DLG2: variants seen among roughly 807,000 people sequenced by gnomAD.
DLG2 encodes discs large MAGUK scaffold protein 2.
Under a neutral mutation model 132.5 loss-of-function variants are expected in DLG2, and 45 were observed. That is an observed-to-expected ratio of 0.34 (90% CI 0.27 to 0.44). The LOEUF (loss-of-function observed/expected upper bound fraction) is 0.44, where lower values mean the gene tolerates loss of function less well. DLG2 is among the 20% of genes least tolerant of loss of function. DLG2 has a pLI of 1.00. For missense variants in DLG2, 1,045 were observed against 1,196.9 expected, an observed-to-expected ratio of 0.87 and a Z score of 1.87; for synonymous variants, 424 against 419.6, an observed-to-expected ratio of 1.01 and a Z score of -0.13.
At chr11:83,902,317 G>C (rs1396725070) in intron 15 of DLG2, among the ~76,000 whole-genome samples, 1 of 152,054 alleles carries the variant, frequency 6.6e-6, no homozygotes, top group Non-Finnish European at 1.5e-5. Context: ...GCCTTCATTG[G>C]AAAATAAAAG....
rs537737946 is a variant in DLG2 at position 83,746,271 on chromosome 11, T to C, written c.1825+40419A>G. Reference sequence around the variant, plus strand: ...TAAATCATGCTGCTATAAAGACATATGCACACGTATGTTTATTGCGGCACT... The same window carrying C: ...TAAATCATGCTGCTATAAAGACATACGCACACGTATGTTTATTGCGGCACT... On this transcript the variant is annotated intron_variant, in intron 18 of 27. Coordinates refer to ENST00000376104, the MANE Select transcript of DLG2 (RefSeq NM_001142699.3). 8.5e-5 allele frequency among the ~76,000 whole-genome samples: 13 copies of C among 152,276 alleles called. No individual in the cohort carries two copies. In the East Asian group the frequency reaches 1.5e-3, roughly 18 times the overall value.
chr11:85,460,682 C>G (rs900376818), intron 3 of DLG2, among the ~76,000 whole-genome samples: 4 of 152,180 alleles, frequency 2.6e-5, no homozygotes, highest in African/African-American at 9.7e-5. Context: ...CATGATCACC[C>G]CTCACTTTTC....
At chr11:84,213,590 C>T (rs11233949) in intron 8 of DLG2, among the ~76,000 whole-genome samples, 6,575 of 151,910 alleles carry the variant, frequency 0.043, 461 homozygotes, top group African/African-American at 0.15. Context: ...GAGGCCGAGG[C>T]GGGTGGATCA....
rs557076265 is a variant in DLG2 at position 84,060,431 on chromosome 11, C to T, written c.750-947G>A. On this transcript the variant is annotated intron_variant, in intron 10 of 27. Coordinates refer to ENST00000376104, the MANE Select transcript of DLG2 (RefSeq NM_001142699.3). ...GATTCATCTTACAATATTATAAATA[C>T]TGAAGTTCAGATTTACAAAGTTCAA... Among the ~76,000 whole-genome samples, 10 of 152,196 alleles carry T rather than the reference C, an allele frequency of 6.6e-5. No homozygotes were observed. In the South Asian group the frequency reaches 1.9e-3, roughly 28 times the overall value.
At chr11:83,644,499 A>G (rs746536860) in intron 18 of DLG2, among the ~76,000 whole-genome samples, 3 of 152,080 alleles carry the variant, frequency 2.0e-5, no homozygotes, top group Non-Finnish European at 4.4e-5. Context: ...ACCTAGCTAG[A>G]TTCTCCCTCA....
intron 18 of DLG2, among the ~76,000 whole-genome samples, chr11:83,637,596 A>C (rs1056551485): frequency 7.9e-5 from 12 of 151,276 alleles, no homozygotes; most frequent in African/African-American, 2.9e-4. Context: ...ATCGCCGTGA[A>C]GCCATTTTGT....
chr11:83,729,763 T>C (rs1376236212), intron 18 of DLG2, among the ~76,000 whole-genome samples: 1 of 152,220 alleles, frequency 6.6e-6, no homozygotes, highest in Admixed American at 6.5e-5. Context: ...AAAGTTGAAT[T>C]GGCAGTCTTT....
At chr11:84,732,428 G>T (rs975498967) in intron 6 of DLG2, among the ~76,000 whole-genome samples, 1 of 151,872 alleles carries the variant, frequency 6.6e-6, no homozygotes, top group African/African-American at 2.4e-5. Context: ...CCATCACCTG[G>T]TATTGTCAAT....
At chr11:83,617,787 C>A (rs2061055649) in intron 19 of DLG2, among the ~76,000 whole-genome samples, 1 of 151,976 alleles carries the variant, frequency 6.6e-6, no homozygotes, top group South Asian at 2.1e-4. Flanking sequence ...TCACTTGTGG[C>A]CAGGAGTTAG....
chr11:85,158,014 G>A (rs2077719674), intron 4 of DLG2, among the ~76,000 whole-genome samples: 1 of 151,990 alleles, frequency 6.6e-6, no homozygotes, highest in African/African-American at 2.4e-5. Context: ...AGATAATGTT[G>A]ATTCTCCTCA....
chr11:85,174,612 G>T (rs978309392), intron 4 of DLG2, among the ~76,000 whole-genome samples: 1 of 152,028 alleles, frequency 6.6e-6, no homozygotes, highest in Non-Finnish European at 1.5e-5. Context: ...AAATAACCAA[G>T]ATCAGAGTGG....
rs535075519 is a variant in DLG2, at chr11:83,659,315, T to C, written c.1826-25990A>G. The stretch of plus-strand genomic sequence containing the variant: ...TTAATAAAACAGAGAGAGAGAGAGA[T>C]TGAGGGAGAGAGAGACAGCATTCTT... On this transcript the variant is annotated intron_variant, in intron 18 of 27. Coordinates refer to ENST00000376104, the MANE Select transcript of DLG2 (RefSeq NM_001142699.3). 7.2e-5 allele frequency among the ~76,000 whole-genome samples: 11 copies of C among 151,890 alleles called. No individual in the cohort carries two copies. The East Asian group carries it at 1.2e-3, about 16-fold the overall frequency.
chr11:84,795,748 C>T (rs557730706), intron 6 of DLG2, among the ~76,000 whole-genome samples: 9 of 152,248 alleles, frequency 5.9e-5, no homozygotes, highest in Admixed American at 3.9e-4. Flanking sequence ...TAGACGCTTC[C>T]GGAGCCAGGG....
chr11:85,173,926 C>G (rs1206019279), intron 4 of DLG2, among the ~76,000 whole-genome samples: 1 of 152,106 alleles, frequency 6.6e-6, no homozygotes. Context: ...AGCTAAGTAT[C>G]CTGAATATAC....
chr11:85,055,033 CA>C (rs1354985859), intron 6 of DLG2, among the ~76,000 whole-genome samples: 1 of 152,082 alleles, frequency 6.6e-6, no homozygotes, highest in Non-Finnish European at 1.5e-5. Flanking sequence ...AAAATAAAAA[CA>C]ATCTAAATTT....
chr11:83,935,130 T>C (rs1487984836), intron 14 of DLG2, among the ~76,000 whole-genome samples: 1 of 152,196 alleles, frequency 6.6e-6, no homozygotes, highest in Non-Finnish European at 1.5e-5. Flanking sequence ...ATTTGCAGAA[T>C]ATAGAACCAA....
chr11:85,484,507 A>C (rs892886116), intron 3 of DLG2, among the ~76,000 whole-genome samples: 1 of 151,194 alleles, frequency 6.6e-6, no homozygotes, highest in Non-Finnish European at 1.5e-5. Flanking sequence ...ATTTACAAGA[A>C]AAAAACAAAC....
At chr11:85,102,860 C>T (rs1364426990) in intron 6 of DLG2, among the ~76,000 whole-genome samples, 3 of 151,848 alleles carry the variant, frequency 2.0e-5, no homozygotes, top group Admixed American at 6.6e-5. Flanking sequence ...CACATAGTCT[C>T]GTACAGTATC....
At position 84,197,903 on chromosome 11, in the gene DLG2, T is replaced by C. The variant is rs534390548; in HGVS notation, c.574-34392A>G. ...GCTACAGAATAATTACATATGGGGA[T>C]ATAGGATTTAGAGGGATGGCTTCAG... is the stretch of plus-strand genomic sequence containing the variant. On this transcript the variant is annotated intron_variant, in intron 8 of 27. Transcript: ENST00000376104. Among the ~76,000 whole-genome samples the C allele has an allele frequency of 3.3e-5, 5 of 152,318 alleles. No individual in the cohort carries two copies. In the East Asian group the frequency reaches 9.6e-4, roughly 29 times the overall value.
Sources: allele counts gnomAD v4.1 joint callset (sites outside exome capture counted in the v4.1 genomes callset), GRCh38; gene constraint gnomAD v4.1.1; transcripts MANE v1.5; gene names NCBI Gene and HGNC (gene_info 2026-07-23, HGNC 2026-07-21).